METTL15: variants seen among roughly 807,000 people sequenced by gnomAD.
METTL15 encodes 12S rRNA N(4)-cytidine methyltransferase METTL15.
METTL15 carries 34 observed loss-of-function variants against 38.3 expected under a neutral mutation model. The observed-to-expected ratio is 0.89, with a 90% confidence interval of 0.68 to 1.18. The LOEUF is 1.18. Among genes scored for constraint, METTL15 ranks in the 50% most tolerant of loss-of-function variants. The probability of loss-of-function intolerance (pLI) is 0.00; values close to 1 mark genes in which losing one functional copy is unlikely to be tolerated. For synonymous variants in METTL15, 162 were observed against 170.9 expected, an observed-to-expected ratio of 0.95 and a Z score of 0.41; for missense variants, 438 against 498.4, an observed-to-expected ratio of 0.88 and a Z score of 1.15.
At chr11:28,477,758 T>C (rs980591414) in intron 6 of METTL15, among the ~76,000 whole-genome samples, 2 of 152,200 alleles carry the variant, frequency 1.3e-5, no homozygotes, top group Non-Finnish European at 2.9e-5. Flanking sequence ...TATCAACTTA[T>C]CCAGCCCTTC....
chr11:28,306,647 T>C (rs1273527374), intron 6 of METTL15, among the ~76,000 whole-genome samples: 1 of 152,044 alleles, frequency 6.6e-6, no homozygotes, highest in African/African-American at 2.4e-5. Flanking sequence ...AGCTATTATA[T>C]TTGTATGTTT....
intron 6 of METTL15, among the ~76,000 whole-genome samples, chr11:28,490,637 T>C (rs1165014820): frequency 6.6e-6 from 1 of 152,036 alleles, no homozygotes; most frequent in Non-Finnish European, 1.5e-5. Context: ...GCAGTTAGGG[T>C]CGAGCACCAC....
At chr11:28,217,796 C>T (rs1051417977) in intron 4 of METTL15, among the ~76,000 whole-genome samples, 2 of 152,174 alleles carry the variant, frequency 1.3e-5, no homozygotes, top group Non-Finnish European at 2.9e-5. Context: ...GTTTTCCCAG[C>T]ACCATTTATT....
chr11:28,164,933 T>A (rs1418377502), intron 3 of METTL15, among the ~76,000 whole-genome samples: 1 of 152,126 alleles, frequency 6.6e-6, no homozygotes, highest in Non-Finnish European at 1.5e-5. Flanking sequence ...ATTCTACATA[T>A]AAGTGGAATA....
At chr11:28,431,841 TAGAC>T (rs1286775468) in intron 6 of METTL15, among the ~76,000 whole-genome samples, 43 of 135,422 alleles carry the variant, frequency 3.2e-4, no homozygotes, top group Admixed American at 1.1e-3. Flanking sequence ...AAACAGTAAT[TAGAC>T]AGGGGAAAGA....
chr11:28,211,828 A>C (rs905018460), intron 4 of METTL15, among the ~76,000 whole-genome samples: 3 of 152,000 alleles, frequency 2.0e-5, no homozygotes, highest in African/African-American at 7.2e-5. Context: ...AATATCTTGG[A>C]GCTAAGATGG....
intron 3 of METTL15, among the ~76,000 whole-genome samples, chr11:28,177,764 T>C (rs1199763340): frequency 2.0e-5 from 3 of 151,960 alleles, no homozygotes; most frequent in Non-Finnish European, 4.4e-5. Context: ...TTAGATCTGC[T>C]AGAGTTTTTT....
chr11:28,234,370 G>A (rs1284888123), intron 4 of METTL15, among the ~76,000 whole-genome samples: 1 of 151,496 alleles, frequency 6.6e-6, no homozygotes, highest in Non-Finnish European at 1.5e-5. Flanking sequence ...GATCCCTGAG[G>A]AATCGCCACA....
intron 3 of METTL15, among the ~76,000 whole-genome samples, chr11:28,199,605 T>C (rs1031392418): frequency 3.9e-5 from 6 of 152,082 alleles, no homozygotes; most frequent in Non-Finnish European, 5.9e-5. Flanking sequence ...ATATGGAAGG[T>C]AGGGAAAAAT....
chr11:28,361,677 A>G (rs937656072), intron 4 of METTL15, among the ~76,000 whole-genome samples: 1 of 152,128 alleles, frequency 6.6e-6, no homozygotes, highest in Non-Finnish European at 1.5e-5. Context: ...GGGGTATAAA[A>G]GCCCTATAGT....
chr11:28,479,349 G>C (rs1327346271), intron 6 of METTL15, among the ~76,000 whole-genome samples: 1 of 152,130 alleles, frequency 6.6e-6, no homozygotes, highest in Non-Finnish European at 1.5e-5. Flanking sequence ...ATACCCAAAA[G>C]AGTGATGTAA....
intron 4 of METTL15, among the ~76,000 whole-genome samples, chr11:28,236,723 T>G (rs997922032): frequency 6.6e-6 from 1 of 152,196 alleles, no homozygotes; most frequent in Non-Finnish European, 1.5e-5. Context: ...TTGGCATGAT[T>G]TTGTAGTGGC....
chr11:28,385,166 T>C (rs990755387), intron 5 of METTL15, among the ~76,000 whole-genome samples: 7 of 152,246 alleles, frequency 4.6e-5, no homozygotes, highest in Non-Finnish European at 1.5e-5. Flanking sequence ...CATTTGTCAA[T>C]TTTTGCTTTT....
intron 4 of METTL15, among the ~76,000 whole-genome samples, chr11:28,213,979 C>G (rs1852757532): frequency 6.6e-6 from 1 of 152,102 alleles, no homozygotes; most frequent in Non-Finnish European, 1.5e-5. Context: ...TACACTAATC[C>G]TGACCATGGT....
intron 4 of METTL15, among the ~76,000 whole-genome samples, chr11:28,264,760 A>C (rs141084929): frequency 6.6e-6 from 1 of 152,102 alleles, no homozygotes; most frequent in Non-Finnish European, 1.5e-5. Context: ...TTCTTCCACA[A>C]ATTAACAATT....
At chr11:28,301,553 A>G (rs538363268) in intron 6 of METTL15, among the ~76,000 whole-genome samples, 11 of 152,256 alleles carry the variant, frequency 7.2e-5, no homozygotes, top group African/African-American at 2.6e-4. Context: ...GTTACTCCGC[A>G]TTAAGAGGTG....
intron 6 of METTL15, among the ~76,000 whole-genome samples, chr11:28,442,383 T>C (rs559761306): frequency 6.6e-6 from 1 of 152,284 alleles, no homozygotes; most frequent in African/African-American, 2.4e-5. Context: ...GGCCTTGCAC[T>C]TGTGAAACTC....
At chr11:28,292,464 G>A (rs1369992079) in intron 5 of METTL15, among the ~76,000 whole-genome samples, 4 of 151,950 alleles carry the variant, frequency 2.6e-5, no homozygotes, top group Admixed American at 2.0e-4. Context: ...ATCATTGTTG[G>A]ACATTTGGGT....
chr11:28,167,801 GT>G (rs1850708691), intron 3 of METTL15, among the ~76,000 whole-genome samples: 1 of 151,090 alleles, frequency 6.6e-6, no homozygotes, highest in Non-Finnish European at 1.5e-5. Context: ...TTTCTCAGAT[GT>G]TATTTCAACA....
Sources: allele counts gnomAD v4.1 joint callset (sites outside exome capture counted in the v4.1 genomes callset), GRCh38; gene constraint gnomAD v4.1.1; transcripts MANE v1.5; gene names NCBI Gene and HGNC (gene_info 2026-07-23, HGNC 2026-07-21).